FLI1: variants seen among roughly 807,000 people sequenced by gnomAD.
FLI1 encodes the protein Fli-1 proto-oncogene, ETS transcription factor.
In FLI1, 13 loss-of-function variants were observed where a neutral mutation model predicts 53.1. That is an observed-to-expected ratio of 0.24 (90% CI 0.16 to 0.39). The LOEUF (loss-of-function observed/expected upper bound fraction) is 0.39. Ranked by LOEUF, FLI1 falls within the 10% of genes least tolerant of loss-of-function variation. The probability of loss-of-function intolerance (pLI) is 1.00; values close to 1 mark genes in which losing one functional copy is unlikely to be tolerated. For synonymous variants in FLI1, 244 were observed against 236.7 expected (o/e 1.03, Z -0.28); for missense variants, 424 against 600.5 (o/e 0.71, Z 3.07).
intron 5 of FLI1, among the ~76,000 whole-genome samples, chr11:128,792,839 A>G (rs1942315299): frequency 1.3e-5 from 2 of 152,218 alleles, no homozygotes; most frequent in African/African-American, 2.4e-5. Context: ...GAAACCATCC[A>G]GGCACAGTGG....
Position 128,810,529 on chromosome 11 carries a change from C to T in FLI1, c.900C>T (p.Ile300=), listed in dbSNP as rs1325974001. 6.2e-7 allele frequency: 1 copy of T among 1,611,410 alleles called. No homozygotes were observed. Among genetic ancestry groups the T allele is most frequent in the Non-Finnish European group, 8.5e-7 (1 of 1,178,760 alleles). The change falls in exon 9 of 9, where the codon ATC becomes ATT. Residue 300 remains isoleucine (I), a synonymous_variant. Coordinates refer to ENST00000527786, the MANE Select transcript of FLI1 (RefSeq NM_002017.5). This position sits in a 1 kb window ranked among gnomAD's most constrained non-coding sequence, Gnocchi z 6.6. ...CCGACAGCGCCAACGCCAGCTGTAT[C>T]ACCTGGGAGGGGACCAACGGGGAGT... is the stretch of plus-strand genomic sequence containing the variant. ...LLSDSANASC[I]TWEGTNGEFK... is the part of the protein sequence containing the mutation.
intron 1 of FLI1, among the ~76,000 whole-genome samples, chr11:128,750,595 C>A (rs751412935): frequency 6.6e-6 from 1 of 152,216 alleles, no homozygotes; most frequent in Admixed American, 6.5e-5. Context: ...CTTCTTCTTT[C>A]CTTGCCCCTC....
chr11:128,709,147 T>C (rs1316193808), intron 1 of FLI1, among the ~76,000 whole-genome samples: 1 of 152,220 alleles, frequency 6.6e-6, no homozygotes, highest in African/African-American at 2.4e-5. Context: ...CCAATCTCCT[T>C]TCCTACCTGT....
At chr11:128,689,076 A>G (rs76602037), upstream of FLI1, among the ~76,000 whole-genome samples, 599 of 152,328 alleles carry the variant, frequency 3.9e-3, 8 homozygotes, top group African/African-American at 0.014. Context: ...AAGTCCTATT[A>G]TAACCCCATT....
chr11:128,686,314 G>C, upstream of FLI1: 2 of 456,104 alleles, frequency 4.4e-6, no homozygotes, highest in Non-Finnish European at 8.8e-6. Context: ...TCCCCAGTTC[G>C]AAACTGCCCA....
chr11:128,730,247 T>A (rs1939639420), intron 1 of FLI1, among the ~76,000 whole-genome samples: 1 of 152,202 alleles, frequency 6.6e-6, no homozygotes, highest in Non-Finnish European at 1.5e-5. Context: ...CTCACAACCC[T>A]ATTTTACAGA....
chr11:128,809,009 C>A, intron 7 of FLI1, 148 bp from the exon 8 acceptor site: 1 of 574,480 alleles, frequency 1.7e-6, no homozygotes, highest in East Asian at 2.9e-5. Flanking sequence ...TCTTTGAGAT[C>A]TGCAAATAAA....
intron 1 of FLI1, among the ~76,000 whole-genome samples, chr11:128,731,995 T>A (rs376492249): frequency 0.011 from 1,089 of 100,472 alleles, 12 homozygotes; most frequent in African/African-American, 0.045. Flanking sequence ...AGAGCGAGAC[T>A]CCATCTCAAA....
At chr11:128,701,206 C>T (rs1938318611) in intron 1 of FLI1, among the ~76,000 whole-genome samples, 1 of 152,232 alleles carries the variant, frequency 6.6e-6, no homozygotes, top group Admixed American at 6.5e-5. Flanking sequence ...TTATCCTTCT[C>T]ATCCCTTCCT....
chr11:128,783,213 T>A (rs1458956951), intron 5 of FLI1, among the ~76,000 whole-genome samples: 3 of 152,186 alleles, frequency 2.0e-5, no homozygotes, highest in Non-Finnish European at 4.4e-5. Flanking sequence ...AAACAAAGGC[T>A]CTTCTAAGGG....
intron 5 of FLI1, among the ~76,000 whole-genome samples, chr11:128,802,402 T>C (rs1004204991): frequency 6.6e-6 from 1 of 152,170 alleles, no homozygotes; most frequent in African/African-American, 2.4e-5. Flanking sequence ...ATGCAAATAC[T>C]TGGGAATAAA....
chr11:128,772,619 A>G (rs1269530768), intron 3 of FLI1, among the ~76,000 whole-genome samples, 163 bp from the exon 4 acceptor site: 1 of 152,212 alleles, frequency 6.6e-6, no homozygotes. Context: ...GCCAGATGCC[A>G]TGGAGCCTGA....
intron 1 of FLI1, among the ~76,000 whole-genome samples, chr11:128,752,359 T>C (rs1940684408): frequency 6.6e-6 from 1 of 152,190 alleles, no homozygotes; most frequent in Non-Finnish European, 1.5e-5. Context: ...TTTATCTTTA[T>C]CCAGAATTAC....
At chr11:128,693,561 A>G (rs1382812892), upstream of FLI1, among the ~76,000 whole-genome samples, 1 of 151,666 alleles carries the variant, frequency 6.6e-6, no homozygotes, top group Non-Finnish European at 1.5e-5. Flanking sequence ...TGGAAAAAGC[A>G]TTAATGAACG....
chr11:128,809,366 G>A (rs1942876657), intron 8 of FLI1, among the ~76,000 whole-genome samples, 162 bp downstream of exon 8: 1 of 152,206 alleles, frequency 6.6e-6, no homozygotes, highest in African/African-American at 2.4e-5. Flanking sequence ...TGAACAACAG[G>A]TCAGGGCTTG....
intron 1 of FLI1, among the ~76,000 whole-genome samples, chr11:128,741,997 T>C (rs1046755831): frequency 1.3e-5 from 2 of 152,210 alleles, no homozygotes; most frequent in African/African-American, 2.4e-5. Context: ...CTTATTGTTA[T>C]TTCATCTAAG....
Position 128,774,821 on chromosome 11 carries a change from T to A in FLI1, c.589+1836T>A, listed in dbSNP as rs543976223. ...CAGCCCAAGGTCCCCTAGTACTTCC[T>A]GCCACCGAACAATGGGAACACAGAT... On this transcript the variant is annotated intron_variant, in intron 4 of 8. Transcript: ENST00000527786. Among the ~76,000 whole-genome samples the A allele has an allele frequency of 2.6e-4, 40 of 152,254 alleles. No homozygotes were observed. In the South Asian group the frequency reaches 7.7e-3, roughly 29 times the overall value.
At chr11:128,691,789 A>G (rs752675854), upstream of FLI1, 2 of 152,260 alleles carry the variant, frequency 1.3e-5, no homozygotes, top group Non-Finnish European at 2.9e-5. Context: ...TCGGGTGACT[A>G]CTGATTAATG....
intron 4 of FLI1, among the ~76,000 whole-genome samples, chr11:128,778,497 G>A (rs1941812781): frequency 6.6e-6 from 1 of 152,234 alleles, no homozygotes; most frequent in Admixed American, 6.5e-5. Flanking sequence ...AATAGACCAC[G>A]ATGGGGCTCC....
Sources: gnomAD v4.1 joint callset for allele counts (sites outside exome capture counted in the v4.1 genomes callset) on GRCh38, gnomAD v4.1.1 for gene constraint, Gnocchi (gnomAD v3.1) non-coding constraint, MANE v1.5 for transcripts, NCBI Gene and HGNC (gene_info 2026-07-23, HGNC 2026-07-21) for gene names.